The following ASL variants were observed in gnomAD, a reference collection of about 807,000 sequenced individuals.
The protein encoded by ASL is argininosuccinase.
Under a neutral mutation model 69.1 loss-of-function variants are expected in ASL, and 51 were observed. The ratio of observed to expected loss-of-function variants is 0.74; its 90% CI spans 0.59 to 0.93. The LOEUF is 0.93. ASL is among the 40% of genes least tolerant of loss of function. The probability of loss-of-function intolerance (pLI) is 0.00; values close to 1 mark genes in which losing one functional copy is unlikely to be tolerated. For synonymous variants in ASL, 241 were observed against 247.6 expected, an observed-to-expected ratio of 0.97 and a Z score of 0.25; for missense variants, 540 against 623.9, an observed-to-expected ratio of 0.87 and a Z score of 1.43.
chr7:66,090,632 A>T (rs1786814679), intron 14 of ASL, among the ~76,000 whole-genome samples: 1 of 152,158 alleles, frequency 6.6e-6, no homozygotes, highest in Non-Finnish European at 1.5e-5. Context: ...TAGAGAATGC[A>T]TAATGAACCC....
chr7:66,086,435 T>C, intron 6 of ASL, 150 bp from the exon 7 acceptor site: 1 of 853,036 alleles, frequency 1.2e-6, no homozygotes. Flanking sequence ...AAGACTGATT[T>C]GTCCCTGGGA....
At chr7:66,078,681 C>G (rs1786416841) in intron 2 of ASL, among the ~76,000 whole-genome samples, 1 of 150,868 alleles carries the variant, frequency 6.6e-6, no homozygotes, top group Non-Finnish European at 1.5e-5. Context: ...GTCGCCCAAG[C>G]TGGAGTACAA....
Position 66,082,940 on chromosome 7 carries a change from C to T in ASL, c.348+4C>T. Reference sequence around the variant, plus strand: ...GGGACGGAGCCGGAATGACCAGGTGCTTTAGCCCCTCCACCCCCTGCTCCG... The same window carrying T: ...GGGACGGAGCCGGAATGACCAGGTGTTTTAGCCCCTCCACCCCCTGCTCCG... On this transcript the variant is annotated splice_donor_region_variant and intron_variant, in intron 5 of 16. Transcript: ENST00000304874. 1 of 1,613,646 alleles carries T rather than the reference C, an allele frequency of 6.2e-7. No homozygotes were observed. Among genetic ancestry groups the T allele is most frequent in the Non-Finnish European group, 8.5e-7 (1 of 1,179,982 alleles).
chr7:66,080,827 G>A (rs543824406), intron 2 of ASL, among the ~76,000 whole-genome samples: 3 of 152,168 alleles, frequency 2.0e-5, no homozygotes, highest in Non-Finnish European at 2.9e-5. Context: ...CAGTGACAAT[G>A]GGGGGTGTCA....
chr7:66,087,808 C>T lies in ASL; in HGVS notation c.718+17C>T, dbSNP rs1398593182. On this transcript the variant is annotated intron_variant, in intron 10 of 16. Transcript: ENST00000304874. ...ACTTTGTGGGTGAGTCCTGGGGAGC[C>T]AGTCCCCTGCCCTGTGCCTCACTTT... 6.2e-7 allele frequency: 1 copy of T among 1,614,108 alleles called. No homozygotes were observed. The highest frequency in any genetic ancestry group is 1.1e-5 in the South Asian group (1 of 91,082).
intron 6 of ASL, 66 bp from the exon 7 acceptor site, chr7:66,086,519 G>T (rs1584027438): frequency 1.9e-6 from 3 of 1,554,310 alleles, no homozygotes; most frequent in African/African-American, 2.7e-5. Flanking sequence ...GGCCTGCAGG[G>T]TTCCAGTGTC....
intron 2 of ASL, among the ~76,000 whole-genome samples, chr7:66,080,352 C>T (rs1411692787): frequency 7.6e-6 from 1 of 131,760 alleles, no homozygotes; most frequent in African/African-American, 2.9e-5. Context: ...TGCCACTGCA[C>T]TCCAGCCTGG....
chr7:66,089,291 A>G lies in ASL; in HGVS notation c.934A>G (p.Met312Val), dbSNP rs765801478. The G allele has an allele frequency of 3.7e-6, 6 of 1,610,416 alleles. No individual in the cohort carries two copies. The highest frequency in any genetic ancestry group is 4.2e-6 in the Non-Finnish European group (5 of 1,178,464). The change falls in exon 13 of 17, where the codon ATG becomes GTG. Residue 312 changes from methionine (M) to valine (V), a missense_variant. By Grantham distance (21) the Met-to-Val change is conservative. Coordinates refer to ENST00000304874, the MANE Select transcript of ASL (RefSeq NM_000048.4). Reference sequence around the variant, plus strand: ...CTTCCCGCAGTGTGCCGGGCTCCTGATGACCCTCAAGGGACTTCCCAGCAC... The same window carrying G: ...CTTCCCGCAGTGTGCCGGGCTCCTGGTGACCCTCAAGGGACTTCCCAGCAC... ...RVFGRCAGLL[M>V]TLKGLPSTYN...
chr7:66,092,502 C>A, intron 15 of ASL, 55 bp from the exon 16 acceptor site: 9 of 1,484,278 alleles, frequency 6.1e-6, no homozygotes, highest in East Asian at 2.3e-5. Context: ...GCAATGGAGG[C>A]AGATCAGGGC....
At chr7:66,078,423 T>C (rs1039681365) in intron 2 of ASL, among the ~76,000 whole-genome samples, 1 of 151,964 alleles carries the variant, frequency 6.6e-6, no homozygotes, top group Admixed American at 6.6e-5. Context: ...GCCAGAGCAC[T>C]GGAGAGGTCT....
In ASL at chr7:66,087,714, C is replaced by T; in HGVS notation, c.656-15C>T. The T allele has an allele frequency of 6.2e-7, 1 of 1,614,052 alleles. No homozygotes were observed. ...CTGTCCTCCAGCTTAGCCCTGCTTC[C>T]TCCCACCCCCCCAGAACTCAACTTT... is the stretch of plus-strand genomic sequence containing the variant. On this transcript the variant is annotated splice_polypyrimidine_tract_variant and intron_variant, in intron 9 of 16. Coordinates refer to ENST00000304874, the MANE Select transcript of ASL (RefSeq NM_000048.4).
Position 66,082,918 on chromosome 7 carries a change from A to G in ASL, c.330A>G (p.Gly110=), listed in dbSNP as rs147464765. ...IGATAGKLHT[G]RSRNDQVVTD... is the part of the protein sequence containing the mutation. ...CAACGGCAGGGAAGCTGCACACGGG[A>G]CGGAGCCGGAATGACCAGGTGCTTT... The change falls in exon 5 of 17, where the codon GGA becomes GGG. Residue 110 remains glycine, a synonymous_variant. Coordinates refer to ENST00000304874, the MANE Select transcript of ASL (RefSeq NM_000048.4). 123 of 1,613,468 alleles carry G rather than the reference A, an allele frequency of 7.6e-5. No homozygotes were observed. The highest frequency in any genetic ancestry group is 2.3e-4 in the Admixed American group (14 of 59,962).
Position 66,086,602 on chromosome 7 carries a change from T to G in ASL, c.464T>G (p.Phe155Cys), listed in dbSNP as rs746730513. 1 of 1,613,820 alleles carries G rather than the reference T, an allele frequency of 6.2e-7. No individual in the cohort carries two copies. Among genetic ancestry groups the G allele is most frequent in the East Asian group, 2.2e-5 (1 of 44,858 alleles). ...TCCCACAGGGAACGTGATGTTCTCT[T>G]CCCGGGGTACACCCATTTGCAGAGG... ...DRAEAERDVL[F>C]PGYTHLQRAQ... is the part of the protein sequence containing the mutation. The change falls in exon 7 of 17, where the codon TTC (phenylalanine) becomes TGC (cysteine). Residue 155 changes from phenylalanine to cysteine, a missense_variant. Coordinates refer to ENST00000304874, the MANE Select transcript of ASL (RefSeq NM_000048.4).
intron 2 of ASL, among the ~76,000 whole-genome samples, chr7:66,076,409 C>T (rs374707334): frequency 2.0e-5 from 3 of 152,224 alleles, no homozygotes; most frequent in African/African-American, 7.2e-5. Context: ...AAGCCTTCAG[C>T]CTTCCAACTC....
intron 8 of ASL, 130 bp from the exon 9 acceptor site, chr7:66,087,204 T>A: frequency 9.0e-7 from 1 of 1,105,862 alleles, no homozygotes; most frequent in Non-Finnish European, 1.4e-6. Flanking sequence ...GCCAGGTGGT[T>A]GCCCTGGCAA....
chr7:66,083,895 TTCA>T (rs1786585356), intron 6 of ASL, among the ~76,000 whole-genome samples: 1 of 152,072 alleles, frequency 6.6e-6, no homozygotes, highest in African/African-American at 2.4e-5. Context: ...CTGGCCTCAT[TTCA>T]GGCTTTGGCT....
intron 2 of ASL, among the ~76,000 whole-genome samples, chr7:66,080,110 T>C (rs140204875): frequency 1.3e-3 from 196 of 151,264 alleles, no homozygotes; most frequent in African/African-American, 2.1e-3. Flanking sequence ...AGGCCGGGTG[T>C]GGTGGCTCAC....
chr7:66,089,640 C>T lies in ASL; in HGVS notation c.1007C>T (p.Ser336Leu), dbSNP rs1786786520. 1 of 1,613,766 alleles carries T rather than the reference C, an allele frequency of 6.2e-7. No homozygotes were observed. Residue 336 changes from serine to leucine, a missense_variant, in exon 14 of 17, where the codon TCA (serine) becomes TTA (leucine). By Grantham distance (145) the Ser-to-Leu change is moderately radical. Coordinates refer to ENST00000304874, the MANE Select transcript of ASL (RefSeq NM_000048.4). ...QEDKEAVFEV[S>L]DTMSAVLQVA... ...GACAAGGAAGCTGTGTTTGAAGTGTCAGACACTATGAGTGCCGTGCTCCAG... is the reference window on the plus strand; with the variant it reads ...GACAAGGAAGCTGTGTTTGAAGTGTTAGACACTATGAGTGCCGTGCTCCAG...
At chr7:66,080,520 C>T (rs973319822) in intron 2 of ASL, among the ~76,000 whole-genome samples, 8 of 151,564 alleles carry the variant, frequency 5.3e-5, no homozygotes, top group Middle Eastern at 3.4e-3. Context: ...ATCAGGAGTT[C>T]GAGACCAGCC....
Sources: gnomAD v4.1 joint callset for allele counts (sites outside exome capture counted in the v4.1 genomes callset) on GRCh38, gnomAD v4.1.1 for gene constraint, MANE v1.5 for transcripts, NCBI Gene and HGNC (gene_info 2026-07-23, HGNC 2026-07-21) for gene names.